The following PDE8A variants were observed in gnomAD, a reference collection of about 807,000 sequenced individuals.
PDE8A encodes high affinity cAMP-specific and IBMX-insensitive 3',5'-cyclic phosphodiesterase 8A.
Under a neutral mutation model 105.0 loss-of-function variants are expected in PDE8A, and 59 were observed. The observed-to-expected ratio is 0.56, with a 90% CI of 0.46 to 0.70. PDE8A has a LOEUF of 0.70. Ranked by LOEUF, PDE8A falls within the 30% of genes least tolerant of loss-of-function variation. The pLI is 0.00. For synonymous variants in PDE8A, 355 were observed against 371.9 expected (o/e 0.95, Z 0.52); for missense variants, 1,014 against 1,045.9 (o/e 0.97, Z 0.42).
intron 1 of PDE8A, among the ~76,000 whole-genome samples, chr15:85,059,223 T>G (rs1389501507): frequency 6.6e-6 from 1 of 152,254 alleles, no homozygotes; most frequent in Non-Finnish European, 1.5e-5. Context: ...CACTTTATCC[T>G]TAAGATACTT....
chr15:85,076,913 G>A lies in PDE8A; in HGVS notation c.546+126G>A, dbSNP rs552263300. 462 of 656,962 alleles carry A rather than the reference G, an allele frequency of 7.0e-4. 4 individuals carry two copies. The highest frequency in any genetic ancestry group is 1.1e-4 in the Non-Finnish European group (41 of 360,690). 40.7% of individuals were successfully genotyped at this position (656,962 alleles called of 1,614,324 possible). A position where few individuals can be genotyped will look rare whatever the true frequency, so the allele number is the denominator to read the frequency against. On this transcript the variant is annotated intron_variant, in intron 5 of 21. Transcript: ENST00000394553. ...AAAAATTGTCTGGCCAGGCGTGGTG[G>A]CTCATACCTGTAATCCCAGCACTTT...
At position 85,004,289 on chromosome 15, in the gene PDE8A, A is replaced by G. The variant is rs376637988; in HGVS notation, c.186+21941A>G. Among the ~76,000 whole-genome samples the G allele has an allele frequency of 4.6e-5, 7 of 152,158 alleles. No homozygotes were observed. The East Asian group carries it at 9.6e-4, about 21-fold the overall frequency. On this transcript the variant is annotated intron_variant, in intron 1 of 21. Transcript: ENST00000394553. The stretch of plus-strand genomic sequence containing the variant: ...CCTTGCCTCATTTATTGGTTCAGTA[A>G]TAGATACATAACCCAGGCCCAAGCT...
chr15:85,036,721 T>C (rs1819624725), intron 1 of PDE8A, among the ~76,000 whole-genome samples: 1 of 152,140 alleles, frequency 6.6e-6, no homozygotes, highest in Non-Finnish European at 1.5e-5. Context: ...AGGCACTGCC[T>C]CAGCTGCCCA....
chr15:84,993,629 AG>A (rs2079927330), intron 1 of PDE8A, among the ~76,000 whole-genome samples: 2 of 152,046 alleles, frequency 1.3e-5, no homozygotes, highest in Admixed American at 1.3e-4. Flanking sequence ...TGTAAATCCC[AG>A]CACTTTTGGG....
intron 16 of PDE8A, among the ~76,000 whole-genome samples, chr15:85,117,395 C>G (rs1490576603): frequency 6.6e-6 from 1 of 152,138 alleles, no homozygotes; most frequent in Non-Finnish European, 1.5e-5. Context: ...AATCGGGAGC[C>G]CCAACGAGGC....
At chr15:84,985,952 C>T (rs374605816) in intron 1 of PDE8A, among the ~76,000 whole-genome samples, 8 of 152,076 alleles carry the variant, frequency 5.3e-5, no homozygotes, top group African/African-American at 1.4e-4. Context: ...AGGCTGGGCG[C>T]GGTGGCTCAT....
intron 12 of PDE8A, among the ~76,000 whole-genome samples, chr15:85,113,101 G>T (rs901054870): frequency 1.3e-5 from 2 of 152,214 alleles, no homozygotes; most frequent in African/African-American, 4.8e-5. Flanking sequence ...GAGGCTGTTT[G>T]ACTTGGGCTT....
intron 1 of PDE8A, among the ~76,000 whole-genome samples, chr15:85,033,535 A>G (rs1357133253): frequency 6.6e-6 from 1 of 152,246 alleles, no homozygotes; most frequent in East Asian, 1.9e-4. Flanking sequence ...ACTCTCCTGA[A>G]TATGGCCCTG....
chr15:85,094,927 G>T (rs1287652514), intron 8 of PDE8A, among the ~76,000 whole-genome samples: 3 of 152,172 alleles, frequency 2.0e-5, no homozygotes, highest in African/African-American at 7.2e-5. Flanking sequence ...ATAGTCCTCA[G>T]CTTGGCTGCC....
At chr15:85,080,762 G>GAC (rs2081451892) in intron 5 of PDE8A, among the ~76,000 whole-genome samples, 1 of 152,092 alleles carries the variant, frequency 6.6e-6, no homozygotes, top group African/African-American at 2.4e-5. Context: ...AAAAGTAACT[G>GAC]ACACACACAC....
intron 1 of PDE8A, among the ~76,000 whole-genome samples, chr15:85,017,219 C>T (rs2080339744): frequency 6.6e-6 from 1 of 151,158 alleles, no homozygotes; most frequent in Middle Eastern, 3.2e-3. Context: ...CGAGATTGCG[C>T]CACTGCAGTC....
intron 5 of PDE8A, among the ~76,000 whole-genome samples, chr15:85,081,465 G>A (rs1205298605): frequency 6.6e-6 from 1 of 152,194 alleles, no homozygotes; most frequent in Admixed American, 6.5e-5. Flanking sequence ...TAGCAAAGAT[G>A]GGCTCAGGTC....
intron 8 of PDE8A, among the ~76,000 whole-genome samples, chr15:85,097,613 C>T (rs2081778878): frequency 6.6e-6 from 1 of 152,166 alleles, no homozygotes; most frequent in African/African-American, 2.4e-5. Flanking sequence ...AGGCTAAGCC[C>T]CCTCTTCCAC....
chr15:85,120,704 AC>A, intron 17 of PDE8A, 92 bp from the exon 18 acceptor site: 1 of 745,636 alleles, frequency 1.3e-6, no homozygotes, highest in Non-Finnish European at 2.2e-6. Flanking sequence ...AAATATTCTT[AC>A]CTGAAAGTAA....
intron 1 of PDE8A, among the ~76,000 whole-genome samples, chr15:85,019,499 G>A (rs539355086): frequency 1.2e-4 from 18 of 152,234 alleles, no homozygotes; most frequent in African/African-American, 3.9e-4. Flanking sequence ...AACGATCCAC[G>A]TATGTCAGCC....
intron 6 of PDE8A, among the ~76,000 whole-genome samples, chr15:85,084,985 C>T (rs1022621313): frequency 2.0e-5 from 3 of 152,170 alleles, no homozygotes; most frequent in Admixed American, 6.5e-5. Flanking sequence ...TCTCTTTTTA[C>T]CTGGATTATT....
intron 2 of PDE8A, 45 bp downstream of exon 2, chr15:85,064,471 A>C (rs753048176): frequency 1.2e-5 from 16 of 1,317,720 alleles, no homozygotes; most frequent in Non-Finnish European, 4.4e-6. Context: ...GATTTTCTTT[A>C]AAAAGGGTGG....
At chr15:85,001,619 T>G (rs573337126) in intron 1 of PDE8A, among the ~76,000 whole-genome samples, 12 of 152,182 alleles carry the variant, frequency 7.9e-5, no homozygotes, top group Admixed American at 1.3e-4. Flanking sequence ...AGGAGGGATC[T>G]GAGGTTGTTG....
intron 1 of PDE8A, among the ~76,000 whole-genome samples, chr15:85,039,728 A>G (rs139197092): frequency 6.6e-6 from 1 of 152,234 alleles, no homozygotes; most frequent in African/African-American, 2.4e-5. Flanking sequence ...TCCACAGACA[A>G]ATGGATTAAA....
Sources: gnomAD v4.1 joint callset for allele counts (sites outside exome capture counted in the v4.1 genomes callset) on GRCh38, gnomAD v4.1.1 for gene constraint, MANE v1.5 for transcripts, NCBI Gene and HGNC (gene_info 2026-07-23, HGNC 2026-07-21) for gene names.